The following CMSS1 variants were observed in gnomAD, a reference collection of about 807,000 sequenced individuals.
The protein encoded by CMSS1 is cms1 ribosomal small subunit homolog.
In CMSS1, 33 loss-of-function variants were observed where a neutral mutation model predicts 43.5. The observed-to-expected ratio is 0.76, with a 90% CI of 0.57 to 1.01. The LOEUF is 1.01. Among genes scored for constraint, CMSS1 ranks in the 50% least tolerant of loss-of-function variants. The pLI, the probability that CMSS1 is intolerant of heterozygous loss-of-function variation, is 0.00. For synonymous variants in CMSS1, 115 were observed against 117.2 expected, an observed-to-expected ratio of 0.98 and a Z score of 0.12; for missense variants, 313 against 326.4, an observed-to-expected ratio of 0.96 and a Z score of 0.32.
chr3:99,898,075 A>G (rs1176453241), intron 1 of CMSS1: 1 of 152,158 alleles, frequency 6.6e-6, no homozygotes, highest in Admixed American at 6.5e-5. Flanking sequence ...ATTTTTAAAT[A>G]GGCTTATCTA....
chr3:99,862,958 C>T (rs1944333230), intron 1 of CMSS1, among the ~76,000 whole-genome samples: 1 of 152,304 alleles, frequency 6.6e-6, no homozygotes, highest in East Asian at 1.9e-4. Context: ...CTCACTGATG[C>T]TCTGCTCATC....
chr3:100,058,115 C>G (rs1480175007), intron 1 of CMSS1, among the ~76,000 whole-genome samples: 1 of 152,142 alleles, frequency 6.6e-6, no homozygotes, highest in Non-Finnish European at 1.5e-5. Flanking sequence ...GGGAAGTTAC[C>G]TAGCTTTCCT....
chr3:100,018,735 CAA>C lies in CMSS1; in HGVS notation c.65-128222_65-128221del, dbSNP rs61527233. 9.5e-3 allele frequency among the ~76,000 whole-genome samples: 1,139 copies of C among 120,190 alleles called. 11 individuals carry two copies. Among genetic ancestry groups the C allele is most frequent in the African/African-American group, 0.025 (803 of 32,174 alleles). 78.8% of individuals were successfully genotyped at this position (120,190 alleles called of 152,430 possible). A position where few individuals can be genotyped will look rare whatever the true frequency, so the allele number is the denominator to read the frequency against. ...ATCAAACTTAAAAGTTTCCGCATAG[CAA>C]AAAAAAAAAAAAAAATCAACAGAGT... On this transcript the variant is annotated intron_variant, in intron 1 of 9. Transcript: ENST00000421999.
intron 1 of CMSS1, among the ~76,000 whole-genome samples, chr3:100,125,523 A>G (rs1185050156): frequency 6.6e-6 from 1 of 152,250 alleles, no homozygotes; most frequent in Non-Finnish European, 1.5e-5. Flanking sequence ...TCAAGTAATT[A>G]GCAGGCAGAA....
At chr3:99,903,990 C>A (rs1706528237) in intron 1 of CMSS1, among the ~76,000 whole-genome samples, 1 of 152,210 alleles carries the variant, frequency 6.6e-6, no homozygotes, top group South Asian at 2.1e-4. Context: ...TAAGCAAGAT[C>A]TCTGGCCAGG....
intron 1 of CMSS1, among the ~76,000 whole-genome samples, chr3:99,987,164 A>T (rs958220179): frequency 4.0e-5 from 6 of 151,638 alleles, no homozygotes; most frequent in African/African-American, 1.5e-4. Flanking sequence ...CAGGAGGTTG[A>T]GGCTTCAGTG....
chr3:99,901,741 A>G (rs1706444643), intron 1 of CMSS1, among the ~76,000 whole-genome samples: 1 of 152,188 alleles, frequency 6.6e-6, no homozygotes, highest in Admixed American at 6.5e-5. Flanking sequence ...GATGTAAGTA[A>G]TGGGTAAGGT....
At chr3:99,867,333 A>G (rs1944569396) in intron 1 of CMSS1, among the ~76,000 whole-genome samples, 1 of 152,170 alleles carries the variant, frequency 6.6e-6, no homozygotes, top group East Asian at 1.9e-4. Flanking sequence ...CTATTTGAAT[A>G]CCATCCATTT....
intron 8 of CMSS1, among the ~76,000 whole-genome samples, chr3:100,174,242 G>A (rs1306741682): frequency 6.6e-6 from 1 of 152,128 alleles, no homozygotes; most frequent in Non-Finnish European, 1.5e-5. Context: ...AATTGGCTGG[G>A]TATCAGAAGC....
chr3:100,043,379 C>T (rs2065235403), intron 1 of CMSS1, among the ~76,000 whole-genome samples: 1 of 152,140 alleles, frequency 6.6e-6, no homozygotes, highest in African/African-American at 2.4e-5. Context: ...TTGTTTCCTT[C>T]GTTCTTGAAT....
intron 1 of CMSS1, among the ~76,000 whole-genome samples, chr3:99,973,843 T>A (rs1015848339): frequency 6.6e-6 from 1 of 152,182 alleles, no homozygotes; most frequent in South Asian, 2.1e-4. Flanking sequence ...TTGTTGTTGG[T>A]GGTGGGTGGA....
intron 4 of CMSS1, among the ~76,000 whole-genome samples, chr3:100,163,157 A>G (rs923707486): frequency 9.9e-5 from 15 of 152,174 alleles, no homozygotes; most frequent in African/African-American, 3.6e-4. Flanking sequence ...TTGGGTGTGC[A>G]TTTTTAACAA....
chr3:99,963,929 A>C (rs1708568518), intron 1 of CMSS1, among the ~76,000 whole-genome samples: 1 of 152,068 alleles, frequency 6.6e-6, no homozygotes, highest in Admixed American at 6.6e-5. Context: ...TCCATTTGTT[A>C]ATGACTTAAT....
At chr3:100,126,519 A>G (rs1245769100) in intron 1 of CMSS1, among the ~76,000 whole-genome samples, 1 of 152,214 alleles carries the variant, frequency 6.6e-6, no homozygotes, top group Non-Finnish European at 1.5e-5. Context: ...TAGCAAATGT[A>G]TAGGCCATTA....
chr3:99,982,152 A>G (rs545875103), intron 1 of CMSS1, among the ~76,000 whole-genome samples: 2 of 152,228 alleles, frequency 1.3e-5, no homozygotes, highest in Non-Finnish European at 2.9e-5. Context: ...TATAAGTGCT[A>G]TATATTTCGG....
intron 1 of CMSS1, among the ~76,000 whole-genome samples, chr3:99,831,346 A>G (rs566519696): frequency 1.3e-5 from 2 of 152,368 alleles, no homozygotes; most frequent in African/African-American, 4.8e-5. Flanking sequence ...AAATGCACCC[A>G]TGCTATTGGT....
intron 1 of CMSS1, among the ~76,000 whole-genome samples, chr3:100,108,709 C>T (rs1379846367): frequency 6.6e-6 from 1 of 152,128 alleles, no homozygotes; most frequent in African/African-American, 2.4e-5. Context: ...GTCTGGCACT[C>T]GTTTGTTTGT....
In CMSS1 at chr3:100,180,554, G is replaced by A. The variant is rs2067178143; in HGVS notation, c.*2166G>A. ...CACAATGCCACCAGTCTCTGCTAAA[G>A]CATAGCAAGAGTGACCTTTGCTCCA... On this transcript the variant is annotated 3_prime_UTR_variant, in exon 10 of 10. Transcript: ENST00000421999. 6.6e-6 allele frequency: 1 copy of A among 152,238 alleles called. No individual in the cohort carries two copies. The highest frequency in any genetic ancestry group is 2.1e-4 in the South Asian group (1 of 4,830). 9.4% of individuals were successfully genotyped at this position (152,238 alleles called of 1,614,324 possible). A position where few individuals can be genotyped will look rare whatever the true frequency, so the allele number is the denominator to read the frequency against.
At chr3:99,818,622 T>C (rs543288123) in intron 1 of CMSS1, among the ~76,000 whole-genome samples, 2 of 152,352 alleles carry the variant, frequency 1.3e-5, no homozygotes, top group South Asian at 2.1e-4. Flanking sequence ...ATCATTATCA[T>C]GGAATTTGGA....
Sources: gnomAD v4.1 joint callset for allele counts (sites outside exome capture counted in the v4.1 genomes callset) on GRCh38, gnomAD v4.1.1 for gene constraint, MANE v1.5 for transcripts, NCBI Gene and HGNC (gene_info 2026-07-23, HGNC 2026-07-21) for gene names.